AAMDC: variants seen among roughly 807,000 people sequenced by gnomAD.
The protein encoded by AAMDC is adipogenesis associated Mth938 domain containing.
A neutral mutation model predicts 15.5 loss-of-function variants in AAMDC; 16 were observed. The ratio of observed to expected loss-of-function variants is 1.03; its 90% CI spans 0.70 to 1.57. The LOEUF (loss-of-function observed/expected upper bound fraction) is 1.57, where lower values mean the gene tolerates loss of function less well. AAMDC is among the 40% of genes most tolerant of loss of function. The pLI, the probability that AAMDC is intolerant of heterozygous loss-of-function variation, is 0.00. For missense variants in AAMDC, 141 were observed against 144.9 expected (o/e 0.97, Z 0.14); for synonymous variants, 51 against 51.6 (o/e 0.99, Z 0.05).
chr11:77,882,596 T>A (rs2136356127), intron 5 of AAMDC, among the ~76,000 whole-genome samples: 1 of 152,290 alleles, frequency 6.6e-6, no homozygotes. Context: ...TGCAAAAACA[T>A]TCCAGGCAGC....
chr11:77,849,413 T>C (rs1463051376), intron 2 of AAMDC, among the ~76,000 whole-genome samples: 1 of 152,016 alleles, frequency 6.6e-6, no homozygotes, highest in Non-Finnish European at 1.5e-5. Context: ...TTAGTAAAGA[T>C]GGCTTTCACC....
At chr11:77,894,130 C>CT (rs760007027) in intron 5 of AAMDC, among the ~76,000 whole-genome samples, 3 of 151,976 alleles carry the variant, frequency 2.0e-5, no homozygotes, top group Non-Finnish European at 4.4e-5. Flanking sequence ...AAATTAGGTT[C>CT]TTTTTTTCCT....
At chr11:77,863,307 C>T (rs765156266) in intron 2 of AAMDC, among the ~76,000 whole-genome samples, 3 of 152,102 alleles carry the variant, frequency 2.0e-5, no homozygotes, top group Non-Finnish European at 4.4e-5. Flanking sequence ...CTGCCGGATC[C>T]GGAGGGATGG....
intron 1 of AAMDC, among the ~76,000 whole-genome samples, chr11:77,832,949 A>ATGTGTG (rs1285153891): frequency 4.2e-5 from 4 of 96,292 alleles, no homozygotes; most frequent in East Asian, 3.1e-4. Context: ...TTGTATATAT[A>ATGTGTG]TATGTGTGTG....
intron 2 of AAMDC, among the ~76,000 whole-genome samples, chr11:77,851,731 G>A (rs972110248): frequency 6.6e-6 from 1 of 151,994 alleles, no homozygotes; most frequent in Non-Finnish European, 1.5e-5. Flanking sequence ...CCCACTTCAC[G>A]TTCTGCCATG....
intron 3 of AAMDC, among the ~76,000 whole-genome samples, chr11:77,871,161 C>T (rs1951413486): frequency 6.6e-6 from 1 of 152,150 alleles, no homozygotes; most frequent in Admixed American, 6.5e-5. Flanking sequence ...TAATTCCTAT[C>T]TGATAGGGTA....
intron 2 of AAMDC, chr11:77,851,587 G>A (rs751427567): frequency 6.6e-6 from 1 of 152,084 alleles, no homozygotes. Flanking sequence ...ATTGGGTCAT[G>A]TGGGCAGTTC....
At chr11:77,832,468 A>C (rs1949478173) in intron 1 of AAMDC, among the ~76,000 whole-genome samples, 2 of 151,950 alleles carry the variant, frequency 1.3e-5, no homozygotes, top group East Asian at 3.9e-4. Context: ...CTGGGATTAC[A>C]GGCATGCGCC....
intron 1 of AAMDC, among the ~76,000 whole-genome samples, chr11:77,839,358 T>A (rs919441701): frequency 5.9e-5 from 9 of 152,204 alleles, no homozygotes; most frequent in Non-Finnish European, 1.3e-4. Flanking sequence ...GGAATGCTTT[T>A]ACACTATTGG....
At chr11:77,877,481 G>C (rs1170644380) in intron 5 of AAMDC, among the ~76,000 whole-genome samples, 1 of 152,170 alleles carries the variant, frequency 6.6e-6, no homozygotes, top group East Asian at 1.9e-4. Flanking sequence ...CCACTGTTGA[G>C]GTCCAATTAT....
chr11:77,853,993 C>CTTTT (rs571437470), intron 2 of AAMDC, among the ~76,000 whole-genome samples: 2 of 138,382 alleles, frequency 1.4e-5, no homozygotes, highest in African/African-American at 5.4e-5. Flanking sequence ...CCTCCAAATT[C>CTTTT]TTTTTTTTTT....
At chr11:77,828,573 C>T (rs894091162) in intron 1 of AAMDC, among the ~76,000 whole-genome samples, 10 of 148,372 alleles carry the variant, frequency 6.7e-5, no homozygotes, top group Non-Finnish European at 1.3e-4. Flanking sequence ...CGGGAGGCTG[C>T]GGCGGAAGAA....
Position 77,869,707 on chromosome 11 carries a change from T to G in AAMDC, c.133-15T>G. 1.2e-6 allele frequency: 2 copies of G among 1,612,882 alleles called. No individual in the cohort carries two copies. The highest frequency in any genetic ancestry group is 1.7e-6 in the Non-Finnish European group (2 of 1,179,060). Reference sequence around the variant, plus strand: ...TGAGAGCAGGTACCTGTCTACTTTCTCTTTCCACATCCAGCATTCTCCTGG... The same window carrying G: ...TGAGAGCAGGTACCTGTCTACTTTCGCTTTCCACATCCAGCATTCTCCTGG... On this transcript the variant is annotated splice_polypyrimidine_tract_variant and intron_variant, in intron 2 of 3. Transcript: ENST00000393427.
At chr11:77,828,989 G>A (rs1452275612) in intron 1 of AAMDC, among the ~76,000 whole-genome samples, 3 of 152,264 alleles carry the variant, frequency 2.0e-5, no homozygotes, top group African/African-American at 4.8e-5. Flanking sequence ...ACACAGCTAC[G>A]GTAATCAAGA....
intron 5 of AAMDC, among the ~76,000 whole-genome samples, chr11:77,878,198 T>TA (rs1173148568): frequency 2.0e-5 from 3 of 151,830 alleles, no homozygotes; most frequent in Non-Finnish European, 4.4e-5. Context: ...CCGTCTCTAC[T>TA]AAAAATACAA....
At chr11:77,880,309 C>T (rs1951741788) in intron 5 of AAMDC, among the ~76,000 whole-genome samples, 2 of 152,170 alleles carry the variant, frequency 1.3e-5, no homozygotes, top group African/African-American at 4.8e-5. Flanking sequence ...CTCTATGGGT[C>T]AGAGTAGAGA....
At chr11:77,862,371 A>G (rs1054180363) in intron 2 of AAMDC, among the ~76,000 whole-genome samples, 2 of 152,188 alleles carry the variant, frequency 1.3e-5, no homozygotes, top group African/African-American at 4.8e-5. Flanking sequence ...ACCCTTGTAA[A>G]ACATCAATAT....
intron 5 of AAMDC, among the ~76,000 whole-genome samples, chr11:77,898,445 AG>A (rs1412413908): frequency 6.6e-6 from 1 of 152,206 alleles, no homozygotes; most frequent in African/African-American, 2.4e-5. Flanking sequence ...TACAGGCGTG[AG>A]CCACTGCGCC....
chr11:77,869,771 G>T lies in AAMDC; in HGVS notation c.182G>T (p.Gly61Val), dbSNP rs775574982. Reference sequence around the variant, plus strand: ...GATGTGAAGGAAGTTGTTGAGAAGGGTGTACAGACTCTTGTGATTGGCCGA... The same window carrying T: ...GATGTGAAGGAAGTTGTTGAGAAGGTTGTACAGACTCTTGTGATTGGCCGA... ...PADVKEVVEKGVQTLVIGRGM... is the reference protein window; with the variant it reads ...PADVKEVVEKVVQTLVIGRGM... The change falls in exon 3 of 4, where the codon GGT becomes GTT. Residue 61 changes from glycine to valine, a missense_variant. Gly to Val is a moderately radical substitution (Grantham distance 109). Coordinates refer to ENST00000393427, the MANE Select transcript of AAMDC (RefSeq NM_024684.4). 1.6e-5 allele frequency: 26 copies of T among 1,614,020 alleles called. No homozygotes were observed. Among genetic ancestry groups the T allele is most frequent in the Non-Finnish European group, 2.2e-5 (26 of 1,179,926 alleles).
Sources: allele counts gnomAD v4.1 joint callset (sites outside exome capture counted in the v4.1 genomes callset), GRCh38; gene constraint gnomAD v4.1.1; transcripts MANE v1.5; gene names NCBI Gene and HGNC (gene_info 2026-07-23, HGNC 2026-07-21).